The following DOCK8 variants were observed in gnomAD, a reference collection of about 807,000 sequenced individuals.
DOCK8 encodes dedicator of cytokinesis 8.
In DOCK8, 141 loss-of-function variants were observed where a neutral mutation model predicts 245.6. That is an observed-to-expected ratio of 0.57 (90% CI 0.50 to 0.66). The LOEUF (loss-of-function observed/expected upper bound fraction) is 0.66, where lower values mean the gene tolerates loss of function less well. Among genes scored for constraint, DOCK8 ranks in the 30% least tolerant of loss-of-function variants. DOCK8 has a pLI of 0.00. For synonymous variants in DOCK8, 1,168 were observed against 970.2 expected (o/e 1.20, Z -3.79); for missense variants, 2,965 against 2,603.4 (o/e 1.14, Z -3.02).
At chr9:234,243 G>A (rs899862837) in intron 1 of DOCK8, among the ~76,000 whole-genome samples, 2 of 152,184 alleles carry the variant, frequency 1.3e-5, no homozygotes, top group African/African-American at 4.8e-5. Context: ...CTTCTGGCTT[G>A]TAGAGTTTCT....
chr9:426,898 T>G lies in DOCK8; in HGVS notation c.4255T>G (p.Leu1419Val), dbSNP rs1424969763. The G allele has an allele frequency of 6.2e-7, 1 of 1,614,108 alleles. No individual in the cohort carries two copies. The highest frequency in any genetic ancestry group is 2.2e-5 in the East Asian group (1 of 44,878). The change falls in exon 34 of 48, where the codon TTA (leucine) becomes GTA (valine). Residue 1419 changes from leucine to valine, a missense_variant. Around this residue, in one of 3 missense-constraint regions of DOCK8, gnomAD observed 2,825 missense variants for 2,453.5 expected, o/e 1.15. Coordinates refer to ENST00000432829, the MANE Select transcript of DOCK8 (RefSeq NM_203447.4). ...NEKLDKTKAE[L>V]DQEALISGNL... The stretch of plus-strand genomic sequence containing the variant: ...GTTGTTTCCTAGAACAAAGGCCGAG[T>G]TAGATCAAGAAGCCTTGATCAGTGG...
At chr9:235,850 C>G (rs2047232867) in intron 1 of DOCK8, among the ~76,000 whole-genome samples, 1 of 152,192 alleles carries the variant, frequency 6.6e-6, no homozygotes, top group Non-Finnish European at 1.5e-5. Context: ...CTTGCACTTC[C>G]CGGGTGAGGT....
intron 36 of DOCK8, among the ~76,000 whole-genome samples, chr9:431,861 G>A (rs938752011): frequency 3.3e-5 from 5 of 152,082 alleles, no homozygotes; most frequent in Admixed American, 1.3e-4. Flanking sequence ...AGGATATACT[G>A]TATTCTTGGA....
At chr9:442,142 C>T in intron 42 of DOCK8, 133 bp downstream of exon 42, 1 of 1,334,316 alleles carries the variant, frequency 7.5e-7, no homozygotes, top group Non-Finnish European at 1.0e-6. Flanking sequence ...TTCCCCTTTG[C>T]ATTTATAAAA....
intron 9 of DOCK8, 66 bp downstream of exon 9, chr9:328,237 T>C: frequency 6.5e-7 from 1 of 1,547,300 alleles, no homozygotes; most frequent in East Asian, 2.4e-5. Flanking sequence ...CCAGCACATG[T>C]TTGGGGTGCA....
At chr9:293,496 G>T (rs2049131902) in intron 4 of DOCK8, among the ~76,000 whole-genome samples, 1 of 152,244 alleles carries the variant, frequency 6.6e-6, no homozygotes, top group Non-Finnish European at 1.5e-5. Flanking sequence ...AAACCAGCTG[G>T]AAGCTGTGAT....
At chr9:346,288 C>G (rs920943168) in intron 14 of DOCK8, among the ~76,000 whole-genome samples, 15 of 152,224 alleles carry the variant, frequency 9.9e-5, no homozygotes, top group East Asian at 9.7e-4. Flanking sequence ...GGCTTATTTT[C>G]CATGTGACCC....
chr9:444,463 A>G (rs2057190472), intron 43 of DOCK8, among the ~76,000 whole-genome samples: 1 of 152,128 alleles, frequency 6.6e-6, no homozygotes, highest in Non-Finnish European at 1.5e-5. Flanking sequence ...TATTATGATA[A>G]AGGGTGAACA....
chr9:263,053 A>G (rs1476105116), intron 1 of DOCK8, among the ~76,000 whole-genome samples: 1 of 152,076 alleles, frequency 6.6e-6, no homozygotes, highest in Non-Finnish European at 1.5e-5. Context: ...CTAAGAATAC[A>G]AAAATGAGCC....
At chr9:440,795 G>A (rs2057071401) in intron 40 of DOCK8, among the ~76,000 whole-genome samples, 1 of 152,210 alleles carries the variant, frequency 6.6e-6, no homozygotes, top group Admixed American at 6.5e-5. Context: ...CTGGAGTGCA[G>A]TGATGCAGCC....
At chr9:428,340 T>C in intron 34 of DOCK8, 22 bp from the exon 35 acceptor site, 10 of 1,613,970 alleles carry the variant, frequency 6.2e-6, no homozygotes, top group East Asian at 2.2e-5. Flanking sequence ...GATTCAATGA[T>C]GCTGTTCTTC....
chr9:366,280 T>A (rs1013804156), intron 14 of DOCK8: 1 of 152,526 alleles, frequency 6.6e-6, no homozygotes, highest in African/African-American at 2.4e-5. Flanking sequence ...CAACTCATAC[T>A]TGCTCCCAGC....
intron 46 of DOCK8, chr9:453,025 T>C (rs943251314): frequency 2.0e-5 from 3 of 152,222 alleles, no homozygotes; most frequent in Non-Finnish European, 4.4e-5. Context: ...GAATATTAAG[T>C]ATAAGAATAT....
intron 1 of DOCK8, among the ~76,000 whole-genome samples, chr9:233,338 AGGTGT>A (rs2047164368): frequency 6.6e-6 from 1 of 152,130 alleles, no homozygotes; most frequent in African/African-American, 2.4e-5. Context: ...ATTTTGGAAT[AGGTGT>A]GGTGTGGTGC....
At chr9:405,988 G>A (rs1045920331) in intron 27 of DOCK8, among the ~76,000 whole-genome samples, 3 of 152,194 alleles carry the variant, frequency 2.0e-5, no homozygotes, top group Non-Finnish European at 2.9e-5. Flanking sequence ...GACTGCCCCA[G>A]GGAGTGGCCA....
chr9:238,934 CA>C (rs1214818180), intron 1 of DOCK8, among the ~76,000 whole-genome samples: 2 of 148,674 alleles, frequency 1.3e-5, no homozygotes, highest in Admixed American at 6.9e-5. Flanking sequence ...CATCCTATCA[CA>C]GCTTGCACTC....
rs529699652 is a variant in DOCK8, at chr9:424,987, C to T, written c.4242-1898C>T. 3.3e-5 allele frequency among the ~76,000 whole-genome samples: 5 copies of T among 152,216 alleles called. No homozygotes were observed. The South Asian group carries it at 6.2e-4, about 19-fold the overall frequency. ...AATAAATCAAGATAAGTGAAAAATA[C>T]GCACCAGATTTTGAAGGCTTATTGT... On this transcript the variant is annotated intron_variant, in intron 33 of 47. Coordinates refer to ENST00000432829, the MANE Select transcript of DOCK8 (RefSeq NM_203447.4).
intron 26 of DOCK8, among the ~76,000 whole-genome samples, chr9:399,953 G>A (rs2054669457): frequency 6.9e-6 from 1 of 145,772 alleles, no homozygotes; most frequent in Non-Finnish European, 1.5e-5. Context: ...TTAGTCCCAT[G>A]CCCACTATCA....
chr9:281,641 C>CTGTGTGTGTGTGTGTGTGTGTG (rs60099453), intron 2 of DOCK8, among the ~76,000 whole-genome samples: 12 of 150,690 alleles, frequency 8.0e-5, no homozygotes, highest in African/African-American at 2.9e-4. Flanking sequence ...GTTTGTGTGC[C>CTGTGTGTGTGTGTGTGTGTGTG]TGTGTGTGTG....
Sources: allele counts gnomAD v4.1 joint callset (sites outside exome capture counted in the v4.1 genomes callset), GRCh38; gene constraint gnomAD v4.1.1; regional missense constraint gnomAD v4.1.1; transcripts MANE v1.5; gene names NCBI Gene and HGNC (gene_info 2026-07-23, HGNC 2026-07-21).